Variants in CAPN15 observed in about 807,000 individuals in gnomAD.
CAPN15 encodes calpain-15.
A neutral mutation model predicts 97.9 loss-of-function variants in CAPN15; 53 were observed. The observed-to-expected ratio is 0.54, with a 90% confidence interval of 0.43 to 0.68. The LOEUF (loss-of-function observed/expected upper bound fraction) is 0.68, where lower values mean the gene tolerates loss of function less well. CAPN15 is among the 30% of genes least tolerant of loss of function. The pLI is 0.00. For synonymous variants in CAPN15, 922 were observed against 722.5 expected (o/e 1.28, Z -4.43); for missense variants, 1,592 against 1,589.8 (o/e 1.00, Z -0.02).
rs899183299 is a variant in CAPN15 at position 553,648 on chromosome 16, G to A, written c.*132G>A. On this transcript the variant is annotated 3_prime_UTR_variant, in exon 14 of 14. Transcript: ENST00000219611. ...CCGCCCAGGGAGCTGCCAGCCCAGG[G>A]CTCAGCTTCCCATGGGCCCCCCGCC... 6 of 575,992 alleles carry A rather than the reference G, an allele frequency of 1.0e-5. No homozygotes were observed. The highest frequency in any genetic ancestry group is 1.7e-5 in the Non-Finnish European group (6 of 348,730). 35.7% of individuals were successfully genotyped at this position (575,992 alleles called of 1,614,324 possible). A position where few individuals can be genotyped will look rare whatever the true frequency, so the allele number is the denominator to read the frequency against.
intron 1 of CAPN15, among the ~76,000 whole-genome samples, chr16:532,051 C>T (rs1247177680): frequency 6.6e-6 from 1 of 151,920 alleles, no homozygotes. Flanking sequence ...ACCAGCCTGA[C>T]CAAAATGGCG....
At position 554,204 on chromosome 16, in the gene CAPN15, A is replaced by T. The variant is rs1205619029; in HGVS notation, c.*688A>T. The T allele has an allele frequency of 3.2e-6, 1 of 310,328 alleles. No homozygotes were observed. Among genetic ancestry groups the T allele is most frequent in the East Asian group, 8.3e-5 (1 of 12,070 alleles). The allele number at this position is 310,328 out of a possible 1,614,324, so 19.2% of individuals were successfully genotyped here. A position where few individuals can be genotyped will look rare whatever the true frequency, so the allele number is the denominator to read the frequency against. On this transcript the variant is annotated 3_prime_UTR_variant, in exon 14 of 14. Coordinates refer to ENST00000219611, the MANE Select transcript of CAPN15 (RefSeq NM_005632.3). ...CACTGCTGCCGGGCACACTGGGACC[A>T]GCAGGCTCCTCAGCCAACCCTGTCC...
intron 3 of CAPN15, among the ~76,000 whole-genome samples, chr16:546,010 G>A (rs545910900): frequency 2.0e-5 from 3 of 152,228 alleles, no homozygotes; most frequent in Non-Finnish European, 4.4e-5. Flanking sequence ...ACAGAAGCCC[G>A]CTGTTAGAGC....
chr16:531,233 C>T (rs1259917336), intron 1 of CAPN15, among the ~76,000 whole-genome samples: 1 of 152,156 alleles, frequency 6.6e-6, no homozygotes, highest in African/African-American at 2.4e-5. Context: ...CAGGGTCGTG[C>T]TCTGTTGCCC....
intron 3 of CAPN15, among the ~76,000 whole-genome samples, chr16:541,284 G>A (rs1372324559): frequency 3.3e-5 from 5 of 152,248 alleles, no homozygotes; most frequent in Non-Finnish European, 7.3e-5. Context: ...GGGATGCAGG[G>A]GATTAGCCAG....
intron 2 of CAPN15, among the ~76,000 whole-genome samples, chr16:534,234 G>GCGACGGTGAGGGCGGCCCGGGGTCCCGGC (rs1363610070): frequency 6.8e-6 from 1 of 146,334 alleles, no homozygotes; most frequent in Non-Finnish European, 1.5e-5. Flanking sequence ...GTCCCGACAG[G>GCGACGGTGAGGGCGGCCCGGGGTCCCGGC]GGTGTTTGTC....
chr16:548,240 G>T lies in CAPN15; in HGVS notation c.1402G>T (p.Gly468Cys). 1 of 1,551,306 alleles carries T rather than the reference G, an allele frequency of 6.4e-7. No individual in the cohort carries two copies. The highest frequency in any genetic ancestry group is 8.7e-7 in the Non-Finnish European group (1 of 1,150,132). The change falls in exon 4 of 14, where the codon GGC becomes TGC. Residue 468 changes from glycine to cysteine, a missense_variant. Transcript: ENST00000219611. ...HVEQRRQTDE[G>C]EAKALWENIV... is the part of the protein sequence containing the mutation. ...GGAGCAGCGGCGGCAGACAGACGAG[G>T]GCGAGGCCAAGGCACTCTGGGAGAA...
Position 553,749 on chromosome 16 carries a change from A to AGGCG in CAPN15, c.*237_*240dup. 1 of 396,448 alleles carries AGGCG rather than the reference A, an allele frequency of 2.5e-6. No homozygotes were observed. Among genetic ancestry groups the AGGCG allele is most frequent in the South Asian group, 5.7e-5 (1 of 17,414 alleles). The allele number at this position is 396,448 out of a possible 1,614,324, so 24.6% of individuals were successfully genotyped here. A position where few individuals can be genotyped will look rare whatever the true frequency, so the allele number is the denominator to read the frequency against. On this transcript the variant is annotated 3_prime_UTR_variant, in exon 14 of 14. Coordinates refer to ENST00000219611, the MANE Select transcript of CAPN15 (RefSeq NM_005632.3). ...GCCGCCACGCAGAATACCTCGAACC[A>AGGCG]GGCGGGCTGTGAACCAGCCCCGCTC...
At chr16:546,194 C>T (rs1370016919) in intron 3 of CAPN15, among the ~76,000 whole-genome samples, 1 of 152,246 alleles carries the variant, frequency 6.6e-6, no homozygotes, top group Non-Finnish European at 1.5e-5. Context: ...CCGTGTTGCT[C>T]GCGGAGACTT....
intron 1 of CAPN15, among the ~76,000 whole-genome samples, chr16:530,062 A>G (rs1293916115): frequency 2.6e-5 from 4 of 151,858 alleles, no homozygotes; most frequent in South Asian, 4.2e-4. Context: ...CCTCGTACCC[A>G]CTCGGTGTGG....
Position 547,665 on chromosome 16 carries a change from A to T in CAPN15, c.827A>T (p.Gln276Leu). 1.3e-6 allele frequency: 2 copies of T among 1,579,264 alleles called. No homozygotes were observed. Among genetic ancestry groups the T allele is most frequent in the Non-Finnish European group, 1.7e-6 (2 of 1,162,006 alleles). ...TCTGCCGGCTGCAGGGGAGCCCCCC[A>T]GGGCTCGGGCTGGGCTGGGGCCTCC... Reference protein sequence around the residue: ...SPSAGCRGAPQGSGWAGASRL... With the variant: ...SPSAGCRGAPLGSGWAGASRL... The change falls in exon 4 of 14, where the codon CAG becomes CTG. Residue 276 changes from glutamine to leucine, a missense_variant. Physicochemically the swap from Gln to Leu is moderately radical, Grantham distance 113. Around this residue, in one of 3 missense-constraint regions of CAPN15, gnomAD observed 883 missense variants for 776.6 expected, o/e 1.14. Coordinates refer to ENST00000219611, the MANE Select transcript of CAPN15 (RefSeq NM_005632.3).
intron 3 of CAPN15, among the ~76,000 whole-genome samples, chr16:544,746 TCGTCGCCTCCCCCACGTCGC>T: frequency 6.2e-5 from 1 of 16,120 alleles, no homozygotes; most frequent in African/African-American, 3.8e-4. Context: ...CTCCCCCACG[TCGTCGCCTCCCCCACGTCGC>T]CTCCCCCACG....
intron 7 of CAPN15, among the ~76,000 whole-genome samples, chr16:550,874 GT>G (rs1213920729): frequency 4.3e-4 from 52 of 121,540 alleles, no homozygotes; most frequent in Non-Finnish European, 6.1e-4. Flanking sequence ...GTCGGTGAGG[GT>G]CCCCTGTCGG....
intron 3 of CAPN15, chr16:540,502 T>G: frequency 1.3e-5 from 4 of 314,412 alleles, no homozygotes; most frequent in Non-Finnish European, 1.4e-5. Context: ...GGCAGCTCTC[T>G]TCCCCAGGGT....
At chr16:553,237 G>A in intron 13 of CAPN15, 102 bp from the exon 14 acceptor site, 2 of 724,758 alleles carry the variant, frequency 2.8e-6, no homozygotes, top group East Asian at 2.7e-5. Flanking sequence ...CTGTACGGGT[G>A]TTTGTCACCC....
chr16:533,619 G>A (rs988355603), intron 1 of CAPN15, among the ~76,000 whole-genome samples: 7 of 152,152 alleles, frequency 4.6e-5, no homozygotes, highest in African/African-American at 1.4e-4. Flanking sequence ...TAGCAGGGTC[G>A]GGCCGTGGGA....
chr16:532,380 C>T (rs536259212), intron 1 of CAPN15, among the ~76,000 whole-genome samples: 1 of 149,130 alleles, frequency 6.7e-6, no homozygotes, highest in African/African-American at 2.5e-5. Context: ...GTGACGAAAC[C>T]CCCATCTCTA....
At chr16:548,402 G>C (rs1788519170) in intron 4 of CAPN15, 115 bp downstream of exon 4, 1 of 1,080,108 alleles carries the variant, frequency 9.3e-7, no homozygotes, top group African/African-American at 1.7e-5. Flanking sequence ...CCTAAGACGT[G>C]ATGGGGAGGG....
At chr16:528,476 C>A (rs2033012795) in intron 1 of CAPN15, among the ~76,000 whole-genome samples, 1 of 152,192 alleles carries the variant, frequency 6.6e-6, no homozygotes, top group African/African-American at 2.4e-5. Flanking sequence ...GGCCTGGGGG[C>A]GGCCACCTGG....
Sources: gnomAD v4.1 joint callset for allele counts (sites outside exome capture counted in the v4.1 genomes callset) on GRCh38, gnomAD v4.1.1 for gene constraint, gnomAD v4.1.1 regional missense constraint, MANE v1.5 for transcripts, NCBI Gene and HGNC (gene_info 2026-07-23, HGNC 2026-07-21) for gene names.